The following GABRB1 variants were observed in gnomAD, a reference collection of about 807,000 sequenced individuals.
GABRB1 encodes the protein gamma-aminobutyric acid receptor subunit beta-1.
Under a neutral mutation model 51.6 loss-of-function variants are expected in GABRB1, and 17 were observed. That is an observed-to-expected ratio of 0.33 (90% CI 0.23 to 0.49). The LOEUF (loss-of-function observed/expected upper bound fraction) is 0.49, where lower values mean the gene tolerates loss of function less well. Among genes scored for constraint, GABRB1 ranks in the 20% least tolerant of loss-of-function variants. GABRB1 has a pLI of 0.99. For missense variants in GABRB1, 410 were observed against 600.6 expected, an observed-to-expected ratio of 0.68 and a Z score of 3.32; for synonymous variants, 247 against 218.9, an observed-to-expected ratio of 1.13 and a Z score of -1.14.
intron 4 of GABRB1, among the ~76,000 whole-genome samples, chr4:47,308,014 G>A (rs1724531707): frequency 6.6e-6 from 1 of 151,810 alleles, no homozygotes; most frequent in South Asian, 2.1e-4. Context: ...ACACATTTTT[G>A]TATCTTTGGA....
At position 47,201,550 on chromosome 4, in the gene GABRB1, C is replaced by A. The variant is rs892900464; in HGVS notation, c.461+40081C>A. Among the ~76,000 whole-genome samples, 6 of 152,094 alleles carry A rather than the reference C, an allele frequency of 3.9e-5. No individual in the cohort carries two copies. In the East Asian group the frequency reaches 5.8e-4, roughly 15 times the overall value. On this transcript the variant is annotated intron_variant, in intron 4 of 8. Transcript: ENST00000295454. ...TAGAACATACCCATGCTTGTGGTTA[C>A]CTTTTATGAAAAGACAGTGGAAATG...
chr4:47,229,105 CA>C (rs1578017556), intron 4 of GABRB1, among the ~76,000 whole-genome samples: 1 of 152,220 alleles, frequency 6.6e-6, no homozygotes, highest in East Asian at 1.9e-4. Flanking sequence ...TGCCTGACTT[CA>C]AAACCCAGGA....
At chr4:47,150,357 C>A (rs1238324626) in intron 3 of GABRB1, among the ~76,000 whole-genome samples, 1 of 110,712 alleles carries the variant, frequency 9.0e-6, no homozygotes, top group Non-Finnish European at 2.0e-5. Context: ...CATACACACA[C>A]ACACACGCAC....
In GABRB1 at chr4:47,320,137, A is replaced by G. The variant is rs1403522266; in HGVS notation, c.472A>G (p.Thr158Ala). 1 of 1,598,312 alleles carries G rather than the reference A, an allele frequency of 6.3e-7. No homozygotes were observed. The highest frequency in any genetic ancestry group is 2.2e-5 in the East Asian group (1 of 44,796). The change falls in exon 5 of 9, where the codon ACA becomes GCA. Residue 158 changes from threonine to alanine, a missense_variant. Physicochemically the swap from Thr to Ala is moderately conservative, Grantham distance 58. Transcript: ENST00000295454. ...TVLYGLRITT[T>A]AACMMDLRRY... ...TCTCCTCTCTATCAGAATCACAACCACAGCTGCATGTATGATGGATCTTCG... is the reference window on the plus strand; with the variant it reads ...TCTCCTCTCTATCAGAATCACAACCGCAGCTGCATGTATGATGGATCTTCG...
intron 4 of GABRB1, among the ~76,000 whole-genome samples, chr4:47,272,106 G>A (rs368025168): frequency 2.3e-4 from 35 of 152,198 alleles, no homozygotes; most frequent in African/African-American, 8.2e-4. Flanking sequence ...TAGTTCTATA[G>A]GATTTAGAAT....
intron 4 of GABRB1, among the ~76,000 whole-genome samples, chr4:47,299,271 GC>G (rs1282988900): frequency 6.6e-6 from 1 of 152,048 alleles, no homozygotes; most frequent in Non-Finnish European, 1.5e-5. Flanking sequence ...CTTCTGCACA[GC>G]AAAAGAAACT....
At chr4:47,183,399 T>G (rs2109772981) in intron 4 of GABRB1, among the ~76,000 whole-genome samples, 1 of 147,404 alleles carries the variant, frequency 6.8e-6, no homozygotes, top group African/African-American at 2.5e-5. Flanking sequence ...CTCATATAAA[T>G]ACATATTTAC....
At chr4:47,120,937 G>A (rs1367173295) in intron 3 of GABRB1, among the ~76,000 whole-genome samples, 1 of 152,150 alleles carries the variant, frequency 6.6e-6, no homozygotes, top group Non-Finnish European at 1.5e-5. Flanking sequence ...GCCTGGTGTT[G>A]AAGAAGGGGC....
At chr4:47,154,826 T>A (rs1193446277) in intron 3 of GABRB1, among the ~76,000 whole-genome samples, 1 of 152,052 alleles carries the variant, frequency 6.6e-6, no homozygotes, top group Non-Finnish European at 1.5e-5. Context: ...ATGGCTACTT[T>A]CTGCATTTTT....
intron 8 of GABRB1, among the ~76,000 whole-genome samples, chr4:47,416,841 G>T (rs985013316): frequency 6.6e-6 from 1 of 152,018 alleles, no homozygotes; most frequent in African/African-American, 2.4e-5. Flanking sequence ...TCTATGTAGA[G>T]AAAGGACCAC....
At chr4:47,231,478 T>C (rs1253108347) in intron 4 of GABRB1, among the ~76,000 whole-genome samples, 1 of 152,188 alleles carries the variant, frequency 6.6e-6, no homozygotes, top group Non-Finnish European at 1.5e-5. Flanking sequence ...TCTGGTTCTA[T>C]AGAGATAAAT....
chr4:47,217,388 C>A lies in GABRB1; in HGVS notation c.461+55919C>A, dbSNP rs1720594927. On this transcript the variant is annotated intron_variant, in intron 4 of 8. Coordinates refer to ENST00000295454, the MANE Select transcript of GABRB1 (RefSeq NM_000812.4). The stretch of plus-strand genomic sequence containing the variant: ...ACATAGCAATAAATAGTATTCACAA[C>A]AGAACCCTGTACTCTATTTATACCT... Among the ~76,000 whole-genome samples the A allele has an allele frequency of 2.0e-5, 3 of 151,878 alleles. No individual in the cohort carries two copies. The South Asian group carries it at 6.2e-4, about 31-fold the overall frequency.
intron 4 of GABRB1, among the ~76,000 whole-genome samples, chr4:47,313,439 A>G (rs1724777473): frequency 6.6e-6 from 1 of 152,176 alleles, no homozygotes; most frequent in African/African-American, 2.4e-5. Flanking sequence ...GGATGTGTTA[A>G]TTAATGGTAG....
intron 4 of GABRB1, among the ~76,000 whole-genome samples, chr4:47,274,232 C>T (rs1722987008): frequency 6.6e-6 from 1 of 152,060 alleles, no homozygotes; most frequent in Non-Finnish European, 1.5e-5. Flanking sequence ...ACAATATCAT[C>T]TAATAGGGAT....
chr4:47,101,114 C>T lies in GABRB1; in HGVS notation c.241-60135C>T, dbSNP rs28475169. Among the ~76,000 whole-genome samples, 186 of 151,924 alleles carry T rather than the reference C, an allele frequency of 1.2e-3. 1 individual carries two copies. The highest frequency in any genetic ancestry group is 4.2e-3 in the African/African-American group (175 of 41,486). On this transcript the variant is annotated intron_variant, in intron 3 of 8. Transcript: ENST00000295454. ...AAGTTTTACGTGGGCTCATCTTCAC[C>T]TGGTAGACTCCCTTAGGACAGGGTC...
chr4:47,153,022 A>C (rs879382912), intron 3 of GABRB1, among the ~76,000 whole-genome samples: 2 of 151,938 alleles, frequency 1.3e-5, no homozygotes, highest in Non-Finnish European at 2.9e-5. Context: ...GTTCTCTGAG[A>C]GTTTGAAGTG....
At chr4:47,211,339 T>A (rs561886014) in intron 4 of GABRB1, among the ~76,000 whole-genome samples, 50 of 152,316 alleles carry the variant, frequency 3.3e-4, no homozygotes, top group Middle Eastern at 3.4e-3. Context: ...AAAGTGTGCT[T>A]ACTCCAATAA....
chr4:47,346,006 T>C (rs1007792367), intron 5 of GABRB1, among the ~76,000 whole-genome samples: 4 of 151,828 alleles, frequency 2.6e-5, no homozygotes, highest in African/African-American at 9.7e-5. Flanking sequence ...TATTTTTTGC[T>C]TATTCTTTGT....
chr4:47,082,158 G>A (rs1365720593), intron 3 of GABRB1, among the ~76,000 whole-genome samples: 2 of 151,954 alleles, frequency 1.3e-5, no homozygotes, highest in Non-Finnish European at 2.9e-5. Flanking sequence ...TGTAAGAGTT[G>A]AGGGTCCCCT....
Sources: gnomAD v4.1 joint callset for allele counts (sites outside exome capture counted in the v4.1 genomes callset) on GRCh38, gnomAD v4.1.1 for gene constraint, MANE v1.5 for transcripts, NCBI Gene and HGNC (gene_info 2026-07-23, HGNC 2026-07-21) for gene names.